SGMS1: variants seen among roughly 807,000 people sequenced by gnomAD.
SGMS1 encodes sphingomyelin synthase 1.
In SGMS1, 13 loss-of-function variants were observed where a neutral mutation model predicts 46.2. The ratio of observed to expected loss-of-function variants is 0.28; its 90% CI spans 0.18 to 0.45. The LOEUF (loss-of-function observed/expected upper bound fraction) is 0.45, where lower values mean the gene tolerates loss of function less well. Ranked by LOEUF, SGMS1 falls within the 20% of genes least tolerant of loss-of-function variation. The pLI, the probability that SGMS1 is intolerant of heterozygous loss-of-function variation, is 1.00. For missense variants in SGMS1, 324 were observed against 519.9 expected, an observed-to-expected ratio of 0.62 and a Z score of 3.66; for synonymous variants, 203 against 187.8, an observed-to-expected ratio of 1.08 and a Z score of -0.66.
intron 2 of SGMS1, among the ~76,000 whole-genome samples, chr10:50,546,133 C>A (rs1025834257): frequency 2.0e-5 from 3 of 152,096 alleles, no homozygotes; most frequent in African/African-American, 7.2e-5. Flanking sequence ...TCTCCTCACT[C>A]CTGCTTGGTG....
intron 1 of SGMS1, among the ~76,000 whole-genome samples, chr10:50,600,020 A>G (rs1037698289): frequency 3.3e-5 from 5 of 152,194 alleles, no homozygotes; most frequent in African/African-American, 1.2e-4. Context: ...GGGCCTCAGG[A>G]CACTATTTCA....
At chr10:50,402,826 A>C (rs1050402549) in intron 6 of SGMS1, among the ~76,000 whole-genome samples, 3 of 151,918 alleles carry the variant, frequency 2.0e-5, no homozygotes, top group African/African-American at 7.3e-5. Flanking sequence ...ATATTAGCGT[A>C]CCTGTCACCA....
intron 6 of SGMS1, among the ~76,000 whole-genome samples, chr10:50,418,645 G>A (rs1849214119): frequency 1.3e-5 from 2 of 152,208 alleles, no homozygotes; most frequent in Admixed American, 1.3e-4. Context: ...CTTTGAAAAC[G>A]CTTGGGAAAC....
intron 1 of SGMS1, among the ~76,000 whole-genome samples, chr10:50,599,733 C>T (rs1010873418): frequency 1.1e-4 from 17 of 151,948 alleles, no homozygotes; most frequent in African/African-American, 2.9e-4. Context: ...CATGGTGGCA[C>T]GTGCCTAAAA....
At chr10:50,589,819 C>A (rs182554039) in intron 2 of SGMS1, among the ~76,000 whole-genome samples, 1 of 152,278 alleles carries the variant, frequency 6.6e-6, no homozygotes, top group Admixed American at 6.5e-5. Flanking sequence ...GTGAAGGGAG[C>A]ATAACTCAGT....
intron 5 of SGMS1, among the ~76,000 whole-genome samples, chr10:50,436,387 T>C (rs1849474191): frequency 6.6e-6 from 1 of 152,248 alleles, no homozygotes; most frequent in Non-Finnish European, 1.5e-5. Flanking sequence ...CAACCAACTT[T>C]TTTGAACCAC....
At chr10:50,509,750 C>T (rs1837738091) in intron 3 of SGMS1, among the ~76,000 whole-genome samples, 1 of 152,146 alleles carries the variant, frequency 6.6e-6, no homozygotes, top group South Asian at 2.1e-4. Flanking sequence ...AAGGGCTGCA[C>T]CTTTGTATTT....
At chr10:50,363,819 A>G (rs1369860) in intron 6 of SGMS1, among the ~76,000 whole-genome samples, 27,163 of 152,190 alleles carry the variant, frequency 0.18, 2,803 homozygotes, top group Admixed American at 0.23. Flanking sequence ...AAGAGTTTCC[A>G]AACAGTTTTA....
At chr10:50,436,828 C>T (rs1849479435) in intron 5 of SGMS1, among the ~76,000 whole-genome samples, 1 of 152,082 alleles carries the variant, frequency 6.6e-6, no homozygotes, top group Admixed American at 6.5e-5. Flanking sequence ...TGATTCTTAG[C>T]CTCTTTCTCC....
chr10:50,579,199 T>C (rs899197823), intron 2 of SGMS1, among the ~76,000 whole-genome samples: 2 of 151,654 alleles, frequency 1.3e-5, no homozygotes, highest in African/African-American at 4.8e-5. Flanking sequence ...AAAAATTGAA[T>C]AGAAGGGTTA....
intron 6 of SGMS1, among the ~76,000 whole-genome samples, chr10:50,414,198 G>C (rs1849137233): frequency 6.6e-6 from 1 of 152,194 alleles, no homozygotes; most frequent in African/African-American, 2.4e-5. Context: ...CCACAAGTTT[G>C]AGTTCGAGAC....
intron 2 of SGMS1, among the ~76,000 whole-genome samples, chr10:50,529,909 T>TA (rs1300747716): frequency 1.3e-5 from 2 of 152,162 alleles, no homozygotes; most frequent in Admixed American, 1.3e-4. Flanking sequence ...ACTGCTTACA[T>TA]AAAAAATCCC....
intron 1 of SGMS1, among the ~76,000 whole-genome samples, chr10:50,617,026 G>A (rs555609024): frequency 6.6e-6 from 1 of 152,092 alleles, no homozygotes; most frequent in South Asian, 2.1e-4. Context: ...GAAAAGTAGG[G>A]GCTCATTCTG....
chr10:50,547,587 G>A (rs1838112294), intron 2 of SGMS1, among the ~76,000 whole-genome samples: 1 of 152,158 alleles, frequency 6.6e-6, no homozygotes, highest in South Asian at 2.1e-4. Flanking sequence ...GTACCATATA[G>A]ATTCACAGCT....
intron 2 of SGMS1, among the ~76,000 whole-genome samples, chr10:50,572,273 A>G (rs1838342834): frequency 6.6e-6 from 1 of 152,180 alleles, no homozygotes; most frequent in Admixed American, 6.5e-5. Flanking sequence ...CCCAAACACC[A>G]CAGGTTTTCC....
chr10:50,501,840 T>G (rs1051139625), intron 3 of SGMS1, among the ~76,000 whole-genome samples: 61 of 152,248 alleles, frequency 4.0e-4, no homozygotes, highest in African/African-American at 1.4e-3. Flanking sequence ...TAAGAAAAAT[T>G]CTTAAATTAC....
chr10:50,416,957 GTCTCTA>G (rs1433102315), intron 6 of SGMS1, among the ~76,000 whole-genome samples: 1 of 151,356 alleles, frequency 6.6e-6, no homozygotes, highest in Non-Finnish European at 1.5e-5. Context: ...CCTCATCACA[GTCTCTA>G]TCTTCATAAA....
At position 50,311,249 on chromosome 10, in the gene SGMS1, C is replaced by A; in HGVS notation, c.895+13G>T. The stretch of plus-strand genomic sequence containing the variant: ...CAGGTGAGGAAATTACAATGGAAGT[C>A]TTTTAGACTTACACTCTTTGATAAA... On this transcript the variant is annotated intron_variant, in intron 9 of 10. Coordinates refer to ENST00000361781, the MANE Select transcript of SGMS1 (RefSeq NM_147156.4). The A allele has an allele frequency of 6.2e-7, 1 of 1,609,156 alleles. No homozygotes were observed. The highest frequency in any genetic ancestry group is 8.5e-7 in the Non-Finnish European group (1 of 1,177,390).
At chr10:50,458,926 T>C (rs1837230341) in intron 5 of SGMS1, among the ~76,000 whole-genome samples, 1 of 152,198 alleles carries the variant, frequency 6.6e-6, no homozygotes. Context: ...TATATCCTTC[T>C]ATATAGTGCA....
Sources: gnomAD v4.1 joint callset for allele counts (sites outside exome capture counted in the v4.1 genomes callset) on GRCh38, gnomAD v4.1.1 for gene constraint, MANE v1.5 for transcripts, NCBI Gene and HGNC (gene_info 2026-07-23, HGNC 2026-07-21) for gene names.